WBP1L: variants seen among roughly 807,000 people sequenced by gnomAD.
The protein encoded by WBP1L is WW domain binding protein 1 like, also known as WW domain binding protein 1-like.
WBP1L carries 17 observed loss-of-function variants against 33.7 expected under a neutral mutation model. That is an observed-to-expected ratio of 0.50 (90% CI 0.34 to 0.76). The LOEUF (loss-of-function observed/expected upper bound fraction) is 0.76. Among genes scored for constraint, WBP1L ranks in the 30% least tolerant of loss-of-function variants. WBP1L has a pLI of 0.01. For missense variants in WBP1L, 389 were observed against 469.4 expected, an observed-to-expected ratio of 0.83 and a Z score of 1.58; for synonymous variants, 173 against 190.8, an observed-to-expected ratio of 0.91 and a Z score of 0.77.
At chr10:102,790,078 T>C (rs1564764430) in intron 1 of WBP1L, among the ~76,000 whole-genome samples, 1 of 152,134 alleles carries the variant, frequency 6.6e-6, no homozygotes, top group South Asian at 2.1e-4. Context: ...AGAAAATTTT[T>C]AGTTATCCCT....
intron 1 of WBP1L, among the ~76,000 whole-genome samples, chr10:102,755,747 A>G (rs1842966992): frequency 6.6e-6 from 1 of 151,452 alleles, no homozygotes; most frequent in Non-Finnish European, 1.5e-5. Context: ...ATGTTAAATA[A>G]TAGATTTTAA....
At chr10:102,776,191 G>T in intron 1 of WBP1L, 1 of 1,461,862 alleles carries the variant, frequency 6.8e-7, no homozygotes, top group Non-Finnish European at 9.1e-7. Flanking sequence ...CCAGAGCCAG[G>T]CAGGGGGAGT....
At chr10:102,761,233 G>C (rs1015651865) in intron 1 of WBP1L, among the ~76,000 whole-genome samples, 1 of 149,472 alleles carries the variant, frequency 6.7e-6, no homozygotes, top group African/African-American at 2.5e-5. Flanking sequence ...TCTACCTCCT[G>C]GGTTCCAGTG....
At chr10:102,778,475 T>G (rs1184724334) in intron 1 of WBP1L, among the ~76,000 whole-genome samples, 1 of 152,210 alleles carries the variant, frequency 6.6e-6, no homozygotes, top group African/African-American at 2.4e-5. Context: ...CATTAAACTC[T>G]TCAAGGAGAG....
intron 1 of WBP1L, among the ~76,000 whole-genome samples, chr10:102,768,089 G>T (rs751973237): frequency 6.6e-6 from 1 of 152,078 alleles, no homozygotes; most frequent in Non-Finnish European, 1.5e-5. Flanking sequence ...TTTGCTTTTT[G>T]AGACGAATTC....
chr10:102,753,437 G>C (rs1842943356), intron 1 of WBP1L, among the ~76,000 whole-genome samples: 1 of 152,190 alleles, frequency 6.6e-6, no homozygotes, highest in African/African-American at 2.4e-5. Flanking sequence ...AGGTCAAGAA[G>C]GGGGAAACAA....
intron 1 of WBP1L, among the ~76,000 whole-genome samples, chr10:102,747,629 C>T (rs1024467634): frequency 2.6e-5 from 4 of 152,178 alleles, no homozygotes; most frequent in East Asian, 2.0e-4. Flanking sequence ...CAGGCTCAAA[C>T]GAGCCTCCCA....
At chr10:102,771,950 T>G (rs1843191579) in intron 1 of WBP1L, among the ~76,000 whole-genome samples, 1 of 149,254 alleles carries the variant, frequency 6.7e-6, no homozygotes, top group South Asian at 2.1e-4. Context: ...TAAGTAGTTG[T>G]TAATCTGCAA....
chr10:102,763,352 C>T (rs915983199), intron 1 of WBP1L, among the ~76,000 whole-genome samples: 9 of 151,898 alleles, frequency 5.9e-5, no homozygotes, highest in Non-Finnish European at 7.4e-5. Flanking sequence ...GTGACTGTTC[C>T]GAGGCTTAAC....
At chr10:102,764,690 A>G (rs993564818) in intron 1 of WBP1L, among the ~76,000 whole-genome samples, 1 of 152,084 alleles carries the variant, frequency 6.6e-6, no homozygotes, top group Non-Finnish European at 1.5e-5. Context: ...AAATTGTCCT[A>G]ATGTTTTCTT....
intron 1 of WBP1L, among the ~76,000 whole-genome samples, chr10:102,754,905 A>T (rs567339861): frequency 6.3e-4 from 95 of 149,680 alleles, no homozygotes; most frequent in Middle Eastern, 3.5e-3. Context: ...TTATTTATTT[A>T]TTTTTTGAGA....
At chr10:102,801,770 C>A (rs1843659377) in intron 2 of WBP1L, among the ~76,000 whole-genome samples, 2 of 152,138 alleles carry the variant, frequency 1.3e-5, no homozygotes, top group Admixed American at 1.3e-4. Flanking sequence ...TGAAGTGACA[C>A]AAAACAGGCT....
chr10:102,771,912 AG>A (rs1441986852), intron 1 of WBP1L, among the ~76,000 whole-genome samples: 1 of 152,018 alleles, frequency 6.6e-6, no homozygotes, highest in Non-Finnish European at 1.5e-5. Flanking sequence ...CCTCGGTAGA[AG>A]GATATCTCAG....
intron 1 of WBP1L, among the ~76,000 whole-genome samples, chr10:102,793,026 A>G (rs1843525252): frequency 6.6e-6 from 1 of 152,050 alleles, no homozygotes; most frequent in Non-Finnish European, 1.5e-5. Context: ...TTCCTTCCCA[A>G]CATTTATTGT....
At chr10:102,779,701 CT>C (rs36052327) in intron 1 of WBP1L, among the ~76,000 whole-genome samples, 15 of 152,012 alleles carry the variant, frequency 9.9e-5, no homozygotes, top group Non-Finnish European at 2.1e-4. Flanking sequence ...TCCGGCCACA[CT>C]TTGAGAGACT....
At chr10:102,774,326 A>G (rs1400662312) in intron 1 of WBP1L, among the ~76,000 whole-genome samples, 3 of 152,096 alleles carry the variant, frequency 2.0e-5, no homozygotes, top group African/African-American at 7.2e-5. Context: ...TAGACTGACC[A>G]TGTCTTGAGA....
At chr10:102,784,901 G>C (rs1250329001) in intron 1 of WBP1L, among the ~76,000 whole-genome samples, 1 of 145,540 alleles carries the variant, frequency 6.9e-6, no homozygotes, top group Admixed American at 7.0e-5. Context: ...GGCGGGGACA[G>C]AGTCTTGCTC....
intron 1 of WBP1L, among the ~76,000 whole-genome samples, chr10:102,751,333 T>TG: frequency 6.6e-6 from 1 of 151,080 alleles, no homozygotes; most frequent in East Asian, 1.9e-4. Flanking sequence ...TTTTTTTTTT[T>TG]TTGAGACACG....
rs1446685958 is a variant in WBP1L, at chr10:102,813,263, T to C, written c.1024T>C (p.Cys342Arg). The change falls in exon 4 of 4, where the codon TGC (cysteine) becomes CGC (arginine). Residue 342 changes from cysteine to arginine, a missense_variant. Cys to Arg is a radical substitution (Grantham distance 180, BLOSUM62 -3). Transcript: ENST00000448841. ...GHPHLPRPPACLLLNTINEQD... is the reference protein window; with the variant it reads ...GHPHLPRPPARLLLNTINEQD... ...CCCGCACCTGCCACGGCCGCCCGCA[T>C]GCCTGCTGCTGAACACCATCAACGA... 1 of 1,613,110 alleles carries C rather than the reference T, an allele frequency of 6.2e-7. No homozygotes were observed. Among genetic ancestry groups the C allele is most frequent in the Admixed American group, 1.7e-5 (1 of 60,008 alleles).
Sources: allele counts gnomAD v4.1 joint callset (sites outside exome capture counted in the v4.1 genomes callset), GRCh38; gene constraint gnomAD v4.1.1; transcripts MANE v1.5; gene names NCBI Gene and HGNC (gene_info 2026-07-23, HGNC 2026-07-21).